NCOA3: variants seen among roughly 807,000 people sequenced by gnomAD.
NCOA3 encodes the protein nuclear receptor coactivator 3, also known as CBP-interacting protein.
NCOA3 carries 51 observed loss-of-function variants against 158.8 expected under a neutral mutation model. The observed-to-expected ratio is 0.32, with a 90% CI of 0.26 to 0.41. The LOEUF is 0.41. NCOA3 is among the 10% of genes least tolerant of loss of function. The pLI, the probability that NCOA3 is intolerant of heterozygous loss-of-function variation, is 1.00. For synonymous variants in NCOA3, 537 were observed against 592.4 expected, an observed-to-expected ratio of 0.91 and a Z score of 1.36; for missense variants, 1,510 against 1,746.6, an observed-to-expected ratio of 0.86 and a Z score of 2.41.
chr20:47,623,614 A>G (rs983695428), intron 3 of NCOA3, among the ~76,000 whole-genome samples: 1 of 151,826 alleles, frequency 6.6e-6, no homozygotes, highest in African/African-American at 2.4e-5. Flanking sequence ...ATGGTGAAAC[A>G]TCGTCTCAAC....
chr20:47,613,362 A>G (rs2086074170), intron 2 of NCOA3, among the ~76,000 whole-genome samples: 1 of 150,602 alleles, frequency 6.6e-6, no homozygotes, highest in African/African-American at 2.4e-5. Flanking sequence ...CACTTACCAA[A>G]TTTAATTGTT....
chr20:47,628,057 G>C (rs369651711), intron 8 of NCOA3, 34 bp downstream of exon 8: 14 of 1,453,218 alleles, frequency 9.6e-6, no homozygotes, highest in African/African-American at 4.2e-5. Flanking sequence ...CTCTCTCTCT[G>C]TGTATACGTA....
intron 3 of NCOA3, 64 bp from the exon 4 acceptor site, chr20:47,623,847 A>G (rs985877137): frequency 2.7e-6 from 4 of 1,481,232 alleles, no homozygotes; most frequent in Non-Finnish European, 3.7e-6. Flanking sequence ...TGATTCTGCT[A>G]ACAGCTCTTT....
rs763132547 is a variant in NCOA3, at chr20:47,637,708, T to C, written c.2437T>C (p.Tyr813His). 8.1e-6 allele frequency: 13 copies of C among 1,612,542 alleles called. No homozygotes were observed. Among genetic ancestry groups the C allele is most frequent in the South Asian group, 5.5e-5 (5 of 90,880 alleles). Residue 813 changes from tyrosine (Y) to histidine (H), a missense_variant, in exon 13 of 23, where the codon TAC (tyrosine) becomes CAC (histidine). Physicochemically the swap from Tyr to His is moderately conservative, Grantham distance 83. Coordinates refer to ENST00000371998, the MANE Select transcript of NCOA3 (RefSeq NM_181659.3). ...TGGTGATCTGACTAGTTCTGACTTT[T>C]ACAATAATTCCATATCCTCAAATGG... Reference protein sequence around the residue: ...ILGDLTSSDFYNNSISSNGSH... With the variant: ...ILGDLTSSDFHNNSISSNGSH...
chr20:47,566,035 A>C (rs2085189115), intron 1 of NCOA3, among the ~76,000 whole-genome samples: 1 of 151,460 alleles, frequency 6.6e-6, no homozygotes, highest in Non-Finnish European at 1.5e-5. Context: ...GTGCAGTCGC[A>C]CGATCTTGGC....
chr20:47,502,088 C>T (rs1045466537), intron 1 of NCOA3, 69 bp downstream of exon 1: 21 of 398,810 alleles, frequency 5.3e-5, no homozygotes, highest in Non-Finnish European at 8.4e-5. Context: ...GGAAGAGGGG[C>T]GAGTTCCCCA....
chr20:47,533,957 CA>C (rs983064429), intron 1 of NCOA3, among the ~76,000 whole-genome samples: 5 of 151,898 alleles, frequency 3.3e-5, no homozygotes, highest in African/African-American at 1.2e-4. Flanking sequence ...AAACAAAACA[CA>C]AAAAACCCAG....
intron 16 of NCOA3, among the ~76,000 whole-genome samples, chr20:47,640,957 G>A (rs2086595128): frequency 6.6e-6 from 1 of 152,070 alleles, no homozygotes; most frequent in African/African-American, 2.4e-5. Context: ...CATGCAAGAG[G>A]CCATGGTCAA....
At chr20:47,574,110 G>A (rs1263305780) in intron 1 of NCOA3, among the ~76,000 whole-genome samples, 1 of 152,192 alleles carries the variant, frequency 6.6e-6, no homozygotes, top group African/African-American at 2.4e-5. Context: ...GTAGAAAATA[G>A]AAAACACTTT....
chr20:47,556,634 T>C (rs2425967), intron 1 of NCOA3, among the ~76,000 whole-genome samples: 86,358 of 151,892 alleles, frequency 0.57, 24,990 homozygotes, highest in Middle Eastern at 0.69. Flanking sequence ...GTGATTCTCC[T>C]GTCTCAGCCT....
intron 2 of NCOA3, among the ~76,000 whole-genome samples, chr20:47,606,367 G>C (rs1260128854): frequency 2.0e-5 from 3 of 152,190 alleles, no homozygotes; most frequent in African/African-American, 7.2e-5. Context: ...TGCACCGATG[G>C]TGGAAATGCG....
intron 1 of NCOA3, among the ~76,000 whole-genome samples, chr20:47,578,528 C>T (rs927605261): frequency 2.0e-5 from 3 of 152,202 alleles, no homozygotes; most frequent in Non-Finnish European, 4.4e-5. Flanking sequence ...TTTCAACTTG[C>T]ATTTGGTCTT....
chr20:47,604,859 A>AT (rs2085918283), intron 2 of NCOA3, among the ~76,000 whole-genome samples: 1 of 152,020 alleles, frequency 6.6e-6, no homozygotes, highest in South Asian at 2.1e-4. Context: ...TAGTTCAGTT[A>AT]TTTTTTATTT....
At chr20:47,633,895 T>C in intron 9 of NCOA3, 153 bp from the exon 10 acceptor site, 1 of 1,019,116 alleles carries the variant, frequency 9.8e-7, no homozygotes, top group Non-Finnish European at 1.4e-6. Context: ...TGCCTGAGTG[T>C]TCTTATTTTA....
At chr20:47,525,589 C>G (rs796102695) in intron 1 of NCOA3, among the ~76,000 whole-genome samples, 8 of 117,216 alleles carry the variant, frequency 6.8e-5, no homozygotes, top group African/African-American at 1.4e-4. Flanking sequence ...CCCTCCTGGA[C>G]GGGGCGGCTG....
At chr20:47,510,793 G>A (rs552296296) in intron 1 of NCOA3, among the ~76,000 whole-genome samples, 1 of 152,116 alleles carries the variant, frequency 6.6e-6, no homozygotes, top group African/African-American at 2.4e-5. Flanking sequence ...GTGTGTCTTT[G>A]GCTGGTCTTG....
chr20:47,649,135 G>A (rs2086740126), intron 19 of NCOA3, 26 bp downstream of exon 19: 1 of 1,476,468 alleles, frequency 6.8e-7, no homozygotes, highest in Non-Finnish European at 9.4e-7. Context: ...CTCTCCACAT[G>A]CATTGCTCTG....
At chr20:47,534,214 A>G (rs1306404681) in intron 1 of NCOA3, among the ~76,000 whole-genome samples, 1 of 151,206 alleles carries the variant, frequency 6.6e-6, no homozygotes, top group African/African-American at 2.4e-5. Context: ...CAAACTACCC[A>G]TCCAAGGCTC....
intron 20 of NCOA3, among the ~76,000 whole-genome samples, chr20:47,651,755 C>T (rs1369757441): frequency 1.3e-5 from 2 of 151,862 alleles, no homozygotes; most frequent in African/African-American, 4.8e-5. Flanking sequence ...ACCTCTGCCT[C>T]CCGGGTTCAA....
Sources: gnomAD v4.1 joint callset for allele counts (sites outside exome capture counted in the v4.1 genomes callset) on GRCh38, gnomAD v4.1.1 for gene constraint, MANE v1.5 for transcripts, NCBI Gene and HGNC (gene_info 2026-07-23, HGNC 2026-07-21) for gene names.